GREP1: variants seen among roughly 807,000 people sequenced by gnomAD.
GREP1 encodes the protein glycine-rich extracellular protein 1.
At chr16:2,998,867 C>T (rs889026559) in exon 26 of GREP1, 15 of 399,026 alleles carry the variant, frequency 3.8e-5, no homozygotes, top group Non-Finnish European at 2.2e-5. Flanking sequence ...ATGCGAGGGT[C>T]GCTCCGATGC....
intron 28 of GREP1, 59 bp from the exon 26 acceptor site, chr16:3,000,027 G>C: frequency 2.5e-6 from 1 of 399,076 alleles, no homozygotes. Flanking sequence ...GAAGAGGGGA[G>C]GCCAGGGCTG....
In GREP1 at chr16:2,998,749, C is replaced by G. The variant is rs538957057; in HGVS notation, c.1013-99C>G. On this transcript the variant is annotated intron_variant, in intron 25 of 34. Coordinates refer to ENST00000573315, the Ensembl canonical transcript of GREP1. The stretch of plus-strand genomic sequence containing the variant: ...GGTGCTGGGTCTGCCCTAGAAGCCA[C>G]TACAGGCCGGTGGCTTGGCCAGGCC... The G allele has an allele frequency of 7.3e-5, 29 of 398,850 alleles. No homozygotes were observed. In the South Asian group the frequency reaches 3.6e-3, roughly 50 times the overall value. 24.7% of individuals were successfully genotyped at this position (398,850 alleles called of 1,614,324 possible).
rs1358204107 is a variant in GREP1 at position 2,995,737 on chromosome 16, A to C, written c.590-2A>C. The C allele has an allele frequency of 1.8e-5, 7 of 398,238 alleles. No individual in the cohort carries two copies. The East Asian group carries it at 1.8e-4, about 10-fold the overall frequency. The allele number at this position is 398,238 out of a possible 1,614,324, so 24.7% of individuals were successfully genotyped here. On this transcript the variant is annotated splice_acceptor_variant, in intron 16 of 34. Transcript: ENST00000573315. LOFTEE classifies it high-confidence loss of function. Reference sequence around the variant, plus strand: ...TCACCAGCCCCCCTATATCTCCTCCAGGCCTTGGAGGGAATGTGAAGCCTC... The same window carrying C: ...TCACCAGCCCCCCTATATCTCCTCCCGGCCTTGGAGGGAATGTGAAGCCTC...
intron 10 of GREP1, chr16:2,994,080 C>G (rs2072412384): frequency 6.6e-6 from 1 of 152,448 alleles, no homozygotes; most frequent in South Asian, 2.1e-4. Flanking sequence ...ACAGTATGGG[C>G]TGAGGCTGCC....
intron 27 of GREP1, chr16:2,999,343 A>C (rs2072445580): frequency 2.5e-6 from 1 of 398,558 alleles, no homozygotes; most frequent in Admixed American, 4.4e-5. Flanking sequence ...CCAGAGGGAC[A>C]AACTCTCAGC....
chr16:2,990,198 G>C lies in GREP1; in HGVS notation c.199+76G>C, dbSNP rs1021840987. On this transcript the variant is annotated intron_variant, in intron 5 of 34. Transcript: ENST00000573315. ...AGAGGCAGGATTGGAGAGATTGTTG[G>C]GGGGAGGCGCAGAGAGCCTCTCAGG... 8.8e-5 allele frequency: 35 copies of C among 398,384 alleles called. No individual in the cohort carries two copies. In the East Asian group the frequency reaches 1.1e-3, roughly 13 times the overall value. 24.7% of individuals were successfully genotyped at this position (398,384 alleles called of 1,614,324 possible).
At chr16:2,995,803 A>C in intron 17 of GREP1, 32 bp downstream of exon 17, 1 of 398,334 alleles carries the variant, frequency 2.5e-6, no homozygotes, top group Non-Finnish European at 4.4e-6. Context: ...CTGCCTCTCT[A>C]TGCACGAACC....
At chr16:2,999,660 C>T (rs139846795) in intron 27 of GREP1, among the ~76,000 whole-genome samples, 3,115 of 152,238 alleles carry the variant, frequency 0.02, 54 homozygotes, top group Non-Finnish European at 0.032. Context: ...TCACATTGGA[C>T]AGGCTGGTCT....
rs1224602099 is a variant in GREP1, at chr16:2,991,266, A to T, written c.322+165A>T. 2.5e-6 allele frequency: 1 copy of T among 395,506 alleles called. No homozygotes were observed. The highest frequency in any genetic ancestry group is 2.1e-5 in the African/African-American group (1 of 48,376). 24.5% of individuals were successfully genotyped at this position (395,506 alleles called of 1,614,324 possible). ...CCTGGGAGTGGGCGTGAAACCTCCG[A>T]AGCCAGGTGAGGCAGAGCCCTGCCC... On this transcript the variant is annotated intron_variant, in intron 8 of 34. Transcript: ENST00000573315. This position sits in a 1 kb window ranked among gnomAD's most constrained non-coding sequence, Gnocchi z 4.9.
chr16:2,988,677 T>TG (rs2072383558), intron 2 of GREP1, 55 bp downstream of exon 2: 2 of 398,836 alleles, frequency 5.0e-6, no homozygotes, highest in East Asian at 7.1e-5. Flanking sequence ...TCTCCTGCCC[T>TG]GGGGGTGTGG....
At chr16:2,998,033 C>T (rs564584414) in intron 23 of GREP1, among the ~76,000 whole-genome samples, 198 bp downstream of exon 21, 12 of 117,488 alleles carry the variant, frequency 1.0e-4, no homozygotes, top group Admixed American at 2.3e-4. Flanking sequence ...CAGGCTCCAA[C>T]GGACAGAGTT....
intron 25 of GREP1, 38 bp from the exon 24 acceptor site, chr16:2,998,810 G>A (rs1401743228): frequency 1.0e-5 from 4 of 398,972 alleles, no homozygotes; most frequent in Non-Finnish European, 1.8e-5. Flanking sequence ...GGACTGGCCT[G>A]GAGCATAGCC....
intron 10 of GREP1, 184 bp from the exon 12 acceptor site, chr16:2,994,514 A>G: frequency 2.5e-6 from 1 of 394,256 alleles, no homozygotes; most frequent in Non-Finnish European, 4.5e-6. Context: ...CATCTCAAGA[A>G]AATAAAAAAA....
intron 33 of GREP1, 93 bp from the exon 28 acceptor site, chr16:3,001,188 G>A: frequency 2.5e-6 from 1 of 399,208 alleles, no homozygotes; most frequent in Non-Finnish European, 4.4e-6. Context: ...GCCCTCCGGG[G>A]AGGGGGTGTC....
intron 15 of GREP1, 106 bp from the exon 16 acceptor site, chr16:2,995,513 T>G: frequency 2.5e-6 from 1 of 398,688 alleles, no homozygotes; most frequent in East Asian, 3.6e-5. Flanking sequence ...CATGGGGGGC[T>G]GAGCTGGTGA....
chr16:2,995,298 A>C, exon 14 of GREP1: 2 of 398,976 alleles, frequency 5.0e-6, no homozygotes, highest in Non-Finnish European at 8.8e-6. Flanking sequence ...TAGAGGGGAC[A>C]TGAAGGCACA....
exon 13 of GREP1, chr16:2,994,927 G>C: frequency 2.5e-6 from 1 of 399,216 alleles, no homozygotes. Context: ...ATTCCCCCAG[G>C]ATTCCAGTAC....
chr16:2,988,997 T>G, intron 2 of GREP1: 2 of 275,668 alleles, frequency 7.3e-6, no homozygotes, highest in Admixed American at 5.3e-5. Flanking sequence ...GGAAGAGTCT[T>G]TACTTCAGGG....
At chr16:2,996,519 G>A in exon 19 of GREP1, 1 of 399,272 alleles carries the variant, frequency 2.5e-6, no homozygotes, top group Non-Finnish European at 4.4e-6. Context: ...AAATGGACCG[G>A]GAGTCCAGCC....
Sources: gnomAD v4.1 joint callset for allele counts (sites outside exome capture counted in the v4.1 genomes callset) on GRCh38, gnomAD v4.1.1 for gene constraint, Gnocchi (gnomAD v3.1) non-coding constraint, MANE v1.5 for transcripts, NCBI Gene and HGNC (gene_info 2026-07-23, HGNC 2026-07-21) for gene names.